Variants in ASTN2 observed in about 807,000 individuals in gnomAD.
ASTN2 encodes the protein astrotactin 2, also known as astrotactin-2.
In ASTN2, 54 loss-of-function variants were observed where a neutral mutation model predicts 139.8. The ratio of observed to expected loss-of-function variants is 0.39; its 90% CI spans 0.31 to 0.48. The LOEUF (loss-of-function observed/expected upper bound fraction) is 0.48, where lower values mean the gene tolerates loss of function less well. ASTN2 is among the 20% of genes least tolerant of loss of function. ASTN2 has a pLI of 0.95. For synonymous variants in ASTN2, 756 were observed against 719.5 expected, an observed-to-expected ratio of 1.05 and a Z score of -0.81; for missense variants, 1,565 against 1,725.1, an observed-to-expected ratio of 0.91 and a Z score of 1.64.
chr9:116,892,278 C>T (rs115934054), intron 10 of ASTN2, among the ~76,000 whole-genome samples: 3,998 of 152,288 alleles, frequency 0.026, 163 homozygotes, highest in African/African-American at 0.088. Flanking sequence ...TTCAGTCTAA[C>T]GTCTCTTTCT....
In ASTN2 at chr9:117,414,905, G is replaced by T; in HGVS notation, c.34C>A (p.Pro12Thr). The T allele has an allele frequency of 1.5e-6, 1 of 663,630 alleles. No homozygotes were observed. The highest frequency in any genetic ancestry group is 6.8e-5 in the South Asian group (1 of 14,620). The allele number at this position is 663,630 out of a possible 1,614,324, so 41.1% of individuals were successfully genotyped here. Residue 12 changes from proline to threonine, a missense_variant, in exon 1 of 23, where the codon CCC (proline) becomes ACC (threonine). Pro to Thr is a conservative substitution (Grantham distance 38, BLOSUM62 -1). Transcript: ENST00000313400. This position sits in a 1 kb window ranked among gnomAD's most constrained non-coding sequence, Gnocchi z 4.2. ...AAAGARLSPG[P>T]GSGLRGRPRL... is the part of the protein sequence containing the mutation. ...GGCCGCCCCCGGAGCCCCGAGCCGG[G>T]GCCGGGGCTGAGCCGGGCGCCGGCG...
intron 1 of ASTN2, among the ~76,000 whole-genome samples, chr9:117,394,278 T>C (rs1476217564): frequency 6.6e-6 from 1 of 152,190 alleles, no homozygotes; most frequent in Non-Finnish European, 1.5e-5. Context: ...ACTGGACACG[T>C]TCTATGTCTA....
At chr9:116,704,130 C>T (rs553442540) in intron 16 of ASTN2, among the ~76,000 whole-genome samples, 28 of 152,310 alleles carry the variant, frequency 1.8e-4, no homozygotes, top group African/African-American at 6.7e-4. Flanking sequence ...TTTTAACTAG[C>T]TGTGTGACCT....
chr9:116,486,168 T>C (rs1564311219), intron 20 of ASTN2, among the ~76,000 whole-genome samples: 1 of 152,238 alleles, frequency 6.6e-6, no homozygotes, highest in Non-Finnish European at 1.5e-5. Flanking sequence ...GAATCCATAG[T>C]CTGTGGCCTT....
rs533448177 is a variant in ASTN2 at position 116,532,884 on chromosome 9, C to T, written c.3356-45384G>A. 7.2e-5 allele frequency among the ~76,000 whole-genome samples: 11 copies of T among 152,212 alleles called. No individual in the cohort carries two copies. In the East Asian group the frequency reaches 2.1e-3, roughly 29 times the overall value. On this transcript the variant is annotated intron_variant, in intron 19 of 22. Transcript: ENST00000313400. ...CCACATGAACTTTAAAGTAGTTTTTCCAATTCTGTGAAGAAAGTCATTGGT... is the reference window on the plus strand; with the variant it reads ...CCACATGAACTTTAAAGTAGTTTTTTCAATTCTGTGAAGAAAGTCATTGGT...
chr9:117,230,642 G>T (rs1021717754), intron 2 of ASTN2, among the ~76,000 whole-genome samples: 3 of 152,146 alleles, frequency 2.0e-5, no homozygotes, highest in African/African-American at 7.2e-5. Context: ...TTATTTAGTT[G>T]CAAGAGTCAC....
intron 1 of ASTN2, among the ~76,000 whole-genome samples, chr9:117,322,242 C>A (rs1828351121): frequency 6.6e-6 from 1 of 152,172 alleles, no homozygotes; most frequent in South Asian, 2.1e-4. Flanking sequence ...CCTCTGCACT[C>A]TTGAACAAAA....
intron 20 of ASTN2, among the ~76,000 whole-genome samples, chr9:116,473,505 A>G (rs7044346): frequency 0.88 from 133,381 of 152,190 alleles, 59,493 homozygotes; most frequent in South Asian, 0.95. Flanking sequence ...GCTTCTGGGA[A>G]ATGCTCAGGA....
chr9:116,851,616 AT>A (rs1171651298), intron 11 of ASTN2, among the ~76,000 whole-genome samples: 2 of 151,728 alleles, frequency 1.3e-5, no homozygotes, highest in Admixed American at 6.6e-5. Context: ...ATTGTTCTTT[AT>A]TTTTTCTCTA....
intron 6 of ASTN2, among the ~76,000 whole-genome samples, chr9:117,011,477 T>C (rs1283719235): frequency 1.3e-5 from 2 of 152,226 alleles, no homozygotes; most frequent in African/African-American, 2.4e-5. Context: ...TTTTAGCACC[T>C]TGATCTTGGA....
intron 10 of ASTN2, among the ~76,000 whole-genome samples, chr9:116,879,082 A>G (rs1460798226): frequency 6.6e-6 from 1 of 152,102 alleles, no homozygotes; most frequent in Non-Finnish European, 1.5e-5. Context: ...TGTGACCTCT[A>G]GAAGGAAGAG....
At chr9:116,568,812 C>T (rs1853365067) in intron 19 of ASTN2, 1 of 152,244 alleles carries the variant, frequency 6.6e-6, no homozygotes, top group South Asian at 2.1e-4. Context: ...GATAGAGGAT[C>T]CCCCTCCCGA....
intron 10 of ASTN2, among the ~76,000 whole-genome samples, chr9:116,912,735 G>A (rs1291927079): frequency 1.3e-5 from 2 of 152,094 alleles, no homozygotes; most frequent in African/African-American, 4.8e-5. Flanking sequence ...TGCTTTGCAT[G>A]GGTATGCAGG....
rs1272767412 is a variant in ASTN2, at chr9:116,698,637, C to T, written c.2806+27134G>A. ...AATTGGACAAGCTGTTAAGAAGCCCCGGACAGTTAACGTGGAAGATTCCTG... is the reference window on the plus strand; with the variant it reads ...AATTGGACAAGCTGTTAAGAAGCCCTGGACAGTTAACGTGGAAGATTCCTG... On this transcript the variant is annotated intron_variant, in intron 16 of 22. Transcript: ENST00000313400. The surrounding 1 kb of genome is among the most constrained non-coding windows in gnomAD (Gnocchi z 4.4). 6 of 1,613,972 alleles carry T rather than the reference C, an allele frequency of 3.7e-6. No individual in the cohort carries two copies. The highest frequency in any genetic ancestry group is 2.2e-5 in the East Asian group (1 of 44,878).
chr9:116,981,243 A>G (rs1267206586), intron 7 of ASTN2, among the ~76,000 whole-genome samples: 3 of 152,206 alleles, frequency 2.0e-5, no homozygotes, highest in African/African-American at 4.8e-5. Flanking sequence ...ATAATGCCTG[A>G]TAAAGGGTAG....
intron 19 of ASTN2, among the ~76,000 whole-genome samples, chr9:116,497,763 C>G (rs1474761936): frequency 6.6e-6 from 1 of 152,140 alleles, no homozygotes; most frequent in African/African-American, 2.4e-5. Flanking sequence ...TTCTCCTCCC[C>G]CCCAATCACT....
chr9:116,508,723 T>A (rs1241958983), intron 19 of ASTN2, among the ~76,000 whole-genome samples: 2 of 152,160 alleles, frequency 1.3e-5, no homozygotes, highest in African/African-American at 2.4e-5. Context: ...TATGCAGAAT[T>A]ACTATAAAGA....
chr9:117,290,928 C>A (rs1468044693), intron 2 of ASTN2, among the ~76,000 whole-genome samples: 1 of 152,170 alleles, frequency 6.6e-6, no homozygotes, highest in East Asian at 1.9e-4. Context: ...GAAAAGGCAG[C>A]CTGTTCTGGT....
chr9:117,310,645 T>G (rs909841329), intron 1 of ASTN2, among the ~76,000 whole-genome samples: 1 of 152,140 alleles, frequency 6.6e-6, no homozygotes, highest in African/African-American at 2.4e-5. Context: ...TTGTTTGTTT[T>G]TTGAGATAGC....
Sources: gnomAD v4.1 joint callset for allele counts (sites outside exome capture counted in the v4.1 genomes callset) on GRCh38, gnomAD v4.1.1 for gene constraint, Gnocchi (gnomAD v3.1) non-coding constraint, MANE v1.5 for transcripts, NCBI Gene and HGNC (gene_info 2026-07-23, HGNC 2026-07-21) for gene names.